NELL1: variants seen among roughly 807,000 people sequenced by gnomAD.
The protein encoded by NELL1 is neural EGFL like 1.
Under a neutral mutation model 107.4 loss-of-function variants are expected in NELL1, and 76 were observed. That is an observed-to-expected ratio of 0.71 (90% CI 0.59 to 0.86). NELL1 has a LOEUF of 0.86. Ranked by LOEUF, NELL1 falls within the 40% of genes least tolerant of loss-of-function variation. The pLI is 0.00. For missense variants in NELL1, 1,024 were observed against 1,005.5 expected, an observed-to-expected ratio of 1.02 and a Z score of -0.25; for synonymous variants, 353 against 341.2, an observed-to-expected ratio of 1.03 and a Z score of -0.38.
intron 2 of NELL1, among the ~76,000 whole-genome samples, chr11:20,770,527 A>G (rs1856619159): frequency 6.6e-6 from 1 of 152,224 alleles, no homozygotes; most frequent in Non-Finnish European, 1.5e-5. Flanking sequence ...ATAATTGCAT[A>G]GTTTCCCCAG....
At chr11:21,135,229 C>T (rs775576103) in intron 13 of NELL1, among the ~76,000 whole-genome samples, 7 of 152,116 alleles carry the variant, frequency 4.6e-5, no homozygotes, top group Non-Finnish European at 8.8e-5. Flanking sequence ...GCTTTTATGA[C>T]AGCATCCATT....
chr11:20,977,559 C>T (rs745311161), intron 12 of NELL1, among the ~76,000 whole-genome samples: 4 of 152,166 alleles, frequency 2.6e-5, no homozygotes, highest in African/African-American at 7.2e-5. Context: ...CCACTGCACC[C>T]GGCTGGCAAA....
intron 2 of NELL1, among the ~76,000 whole-genome samples, chr11:20,763,222 A>G (rs943320902): frequency 6.6e-6 from 1 of 152,078 alleles, no homozygotes; most frequent in Non-Finnish European, 1.5e-5. Context: ...ACCCATTCTC[A>G]CTGCTGGGTT....
intron 3 of NELL1, among the ~76,000 whole-genome samples, chr11:20,786,811 A>G (rs367920768): frequency 5.9e-5 from 9 of 151,932 alleles, no homozygotes; most frequent in African/African-American, 1.2e-4. Context: ...GATCGAGACC[A>G]TCCTGGCTAA....
At chr11:20,927,230 T>C in intron 7 of NELL1, 78 bp from the exon 8 acceptor site, 4 of 1,377,484 alleles carry the variant, frequency 2.9e-6, no homozygotes, top group African/African-American at 1.5e-5. Context: ...AGAAGGATTT[T>C]TTTTCTTGTT....
At chr11:21,156,524 A>T (rs1315165968) in intron 13 of NELL1, among the ~76,000 whole-genome samples, 1 of 152,006 alleles carries the variant, frequency 6.6e-6, no homozygotes, top group Admixed American at 6.6e-5. Context: ...TAGTTTGAGT[A>T]AGGGAGGTAG....
At chr11:21,421,751 C>T (rs2133822721) in intron 15 of NELL1, among the ~76,000 whole-genome samples, 1 of 152,176 alleles carries the variant, frequency 6.6e-6, no homozygotes, top group South Asian at 2.1e-4. Flanking sequence ...GCCAAAAACT[C>T]CCCAAGTTTG....
intron 12 of NELL1, among the ~76,000 whole-genome samples, chr11:20,985,491 G>C (rs1315737885): frequency 6.6e-6 from 1 of 152,146 alleles, no homozygotes; most frequent in African/African-American, 2.4e-5. Flanking sequence ...TGGGCGTATG[G>C]ACAGCTAATT....
chr11:20,757,438 A>G (rs1374873655), intron 2 of NELL1, among the ~76,000 whole-genome samples: 1 of 152,044 alleles, frequency 6.6e-6, no homozygotes, highest in Non-Finnish European at 1.5e-5. Context: ...CAGCCTTTCA[A>G]ATTTCTATTA....
intron 5 of NELL1, among the ~76,000 whole-genome samples, chr11:20,905,461 AC>A (rs1259824403): frequency 7.2e-5 from 11 of 152,192 alleles, no homozygotes; most frequent in Non-Finnish European, 1.6e-4. Flanking sequence ...CAGATGTTGA[AC>A]TTACTGTACA....
At chr11:21,401,929 G>A (rs967096790) in intron 15 of NELL1, among the ~76,000 whole-genome samples, 4 of 151,750 alleles carry the variant, frequency 2.6e-5, no homozygotes, top group Non-Finnish European at 4.4e-5. Flanking sequence ...ATATAGAACT[G>A]TGCTTGAACA....
chr11:21,061,627 CT>C (rs1853743480), intron 12 of NELL1, among the ~76,000 whole-genome samples: 1 of 151,826 alleles, frequency 6.6e-6, no homozygotes, highest in Non-Finnish European at 1.5e-5. Flanking sequence ...CAATTTGGTG[CT>C]GTGCTCAAGA....
intron 14 of NELL1, among the ~76,000 whole-genome samples, chr11:21,275,185 CA>C (rs1239170404): frequency 2.0e-5 from 3 of 152,060 alleles, no homozygotes; most frequent in Admixed American, 6.6e-5. Context: ...AGAGAAGAAT[CA>C]AATAGACGCA....
At chr11:21,559,015 C>T (rs539759868) in intron 16 of NELL1, among the ~76,000 whole-genome samples, 1 of 152,010 alleles carries the variant, frequency 6.6e-6, no homozygotes, top group Non-Finnish European at 1.5e-5. Flanking sequence ...GGGATCTTTT[C>T]TATAATTTTC....
At chr11:20,945,413 G>A (rs1193719638) in intron 10 of NELL1, among the ~76,000 whole-genome samples, 1 of 152,174 alleles carries the variant, frequency 6.6e-6, no homozygotes, top group Non-Finnish European at 1.5e-5. Context: ...GTAACTTCCG[G>A]CTCTCTGCAT....
chr11:21,049,964 A>G (rs4922736), intron 12 of NELL1, among the ~76,000 whole-genome samples: 58,426 of 151,978 alleles, frequency 0.38, 14,172 homozygotes, highest in African/African-American at 0.68. Flanking sequence ...CCTGAATTCA[A>G]TGCTTTAAAA....
chr11:21,144,266 T>C (rs1257628436), intron 13 of NELL1, among the ~76,000 whole-genome samples: 4 of 152,134 alleles, frequency 2.6e-5, no homozygotes, highest in Admixed American at 2.6e-4. Context: ...ATGGAACACC[T>C]TAGGACAAGC....
chr11:20,931,357 A>G (rs2082895968), intron 9 of NELL1, among the ~76,000 whole-genome samples: 1 of 152,236 alleles, frequency 6.6e-6, no homozygotes, highest in African/African-American at 2.4e-5. Flanking sequence ...TTGCTAGAGC[A>G]GAGTTCTAAC....
chr11:20,760,102 G>C (rs1352996660), intron 2 of NELL1, among the ~76,000 whole-genome samples: 1 of 152,286 alleles, frequency 6.6e-6, no homozygotes, highest in East Asian at 1.9e-4. Context: ...AAAGGTCTCA[G>C]AACATATAGC....
Sources: allele counts gnomAD v4.1 joint callset (sites outside exome capture counted in the v4.1 genomes callset), GRCh38; gene constraint gnomAD v4.1.1; transcripts MANE v1.5; gene names NCBI Gene and HGNC (gene_info 2026-07-23, HGNC 2026-07-21).